RALGAPA2: variants seen among roughly 807,000 people sequenced by gnomAD.
RALGAPA2 encodes ral GTPase-activating protein subunit alpha-2.
In RALGAPA2, 139 loss-of-function variants were observed where a neutral mutation model predicts 230.4. That is an observed-to-expected ratio of 0.60 (90% CI 0.53 to 0.69). The LOEUF (loss-of-function observed/expected upper bound fraction) is 0.69. Among genes scored for constraint, RALGAPA2 ranks in the 30% least tolerant of loss-of-function variants. The pLI is 0.00. For synonymous variants in RALGAPA2, 847 were observed against 837.8 expected (o/e 1.01, Z -0.19); for missense variants, 2,163 against 2,276.0 (o/e 0.95, Z 1.01).
At chr20:20,654,724 T>C (rs2067527080) in intron 3 of RALGAPA2, among the ~76,000 whole-genome samples, 1 of 152,234 alleles carries the variant, frequency 6.6e-6, no homozygotes, top group Non-Finnish European at 1.5e-5. Flanking sequence ...ATATCTCTTC[T>C]GCATACTGAT....
At chr20:20,659,886 C>T (rs1036693387) in intron 3 of RALGAPA2, 11 of 470,908 alleles carry the variant, frequency 2.3e-5, no homozygotes, top group Non-Finnish European at 3.2e-5. Flanking sequence ...AGTACAACTA[C>T]ACTTTCTGGT....
intron 23 of RALGAPA2, 111 bp from the exon 24 acceptor site, chr20:20,546,943 A>G (rs2063789605): frequency 8.8e-7 from 1 of 1,135,856 alleles, no homozygotes; most frequent in Non-Finnish European, 1.2e-6. Context: ...GAGAGCACAG[A>G]TTACAGAAAA....
At chr20:20,699,691 C>T (rs947789760) in intron 1 of RALGAPA2, among the ~76,000 whole-genome samples, 1 of 152,058 alleles carries the variant, frequency 6.6e-6, no homozygotes, top group Non-Finnish European at 1.5e-5. Context: ...AAGCGGCCAA[C>T]AAACATATAA....
intron 24 of RALGAPA2, among the ~76,000 whole-genome samples, chr20:20,543,602 C>T (rs2063706068): frequency 2.6e-5 from 4 of 152,080 alleles, no homozygotes; most frequent in Admixed American, 2.6e-4. Context: ...AAGCTGGAAA[C>T]CATCATTCTC....
chr20:20,445,628 G>T (rs1027590690), intron 37 of RALGAPA2, among the ~76,000 whole-genome samples: 1 of 152,204 alleles, frequency 6.6e-6, no homozygotes, highest in African/African-American at 2.4e-5. Flanking sequence ...CTGGGGATGG[G>T]TAAAGGGATC....
At chr20:20,633,687 C>G (rs907544695) in intron 9 of RALGAPA2, among the ~76,000 whole-genome samples, 2 of 151,910 alleles carry the variant, frequency 1.3e-5, no homozygotes, top group African/African-American at 4.8e-5. Context: ...ACCATGTTAG[C>G]AAGGATGGTC....
intron 27 of RALGAPA2, among the ~76,000 whole-genome samples, chr20:20,528,162 C>A (rs1211200906): frequency 2.0e-5 from 3 of 152,124 alleles, no homozygotes; most frequent in Non-Finnish European, 4.4e-5. Context: ...GGGCTGCAGG[C>A]AGGGTGGTGT....
intron 36 of RALGAPA2, among the ~76,000 whole-genome samples, chr20:20,493,235 G>A (rs1274286639): frequency 6.6e-6 from 1 of 152,158 alleles, no homozygotes; most frequent in African/African-American, 2.4e-5. Context: ...CAAAAGGTCA[G>A]CCACACTTGC....
At chr20:20,606,368 C>A (rs758685975) in intron 14 of RALGAPA2, among the ~76,000 whole-genome samples, 1 of 152,190 alleles carries the variant, frequency 6.6e-6, no homozygotes, top group African/African-American at 2.4e-5. Context: ...GACCTCTCTA[C>A]TGGTTTCCTG....
At chr20:20,621,575 G>T (rs546923983) in intron 10 of RALGAPA2, among the ~76,000 whole-genome samples, 1 of 150,116 alleles carries the variant, frequency 6.7e-6, no homozygotes, top group East Asian at 1.9e-4. Context: ...AATATATCAG[G>T]TTACTAATGA....
At chr20:20,635,948 T>C (rs568486553) in intron 8 of RALGAPA2, among the ~76,000 whole-genome samples, 93 of 152,354 alleles carry the variant, frequency 6.1e-4, no homozygotes, top group South Asian at 1.2e-3. Flanking sequence ...ACATTATACC[T>C]AATTTAATTT....
At chr20:20,580,297 A>C (rs1407608294) in intron 20 of RALGAPA2, among the ~76,000 whole-genome samples, 1 of 152,162 alleles carries the variant, frequency 6.6e-6, no homozygotes, top group Non-Finnish European at 1.5e-5. Flanking sequence ...TGCCACTTCC[A>C]GGGTTAGCTA....
At chr20:20,534,251 T>G (rs1295533282) in intron 26 of RALGAPA2, among the ~76,000 whole-genome samples, 1 of 152,084 alleles carries the variant, frequency 6.6e-6, no homozygotes, top group African/African-American at 2.4e-5. Context: ...GAGACCATCC[T>G]GGCTAACACG....
chr20:20,573,211 GA>G, intron 20 of RALGAPA2, 143 bp from the exon 21 acceptor site: 1 of 727,608 alleles, frequency 1.4e-6, no homozygotes, highest in Non-Finnish European at 2.1e-6. Context: ...TAAAAGGAGA[GA>G]AAAGCAGGAT....
intron 14 of RALGAPA2, among the ~76,000 whole-genome samples, chr20:20,607,701 T>C (rs2065862667): frequency 6.6e-6 from 1 of 152,200 alleles, no homozygotes; most frequent in East Asian, 1.9e-4. Flanking sequence ...GCCAGCTTCA[T>C]GGATAAAAGC....
chr20:20,645,106 CTTT>C (rs71198064), intron 4 of RALGAPA2, among the ~76,000 whole-genome samples: 86 of 59,440 alleles, frequency 1.4e-3, no homozygotes, highest in African/African-American at 4.8e-3. Flanking sequence ...GGTGGTGGTG[CTTT>C]TTTTTTTTTT....
chr20:20,637,227 A>T lies in RALGAPA2; in HGVS notation c.805+136T>A, dbSNP rs187220261. 5.9e-5 allele frequency: 41 copies of T among 700,490 alleles called. No individual in the cohort carries two copies. In the East Asian group the frequency reaches 1.2e-3, roughly 21 times the overall value. The allele number at this position is 700,490 out of a possible 1,614,324, so 43.4% of individuals were successfully genotyped here. A position where few individuals can be genotyped will look rare whatever the true frequency, so the allele number is the denominator to read the frequency against. On this transcript the variant is annotated intron_variant, in intron 8 of 39. Transcript: ENST00000202677. ...AAAATCACTTATTAAGAAACTTTAAACATTTAATAATAAAGTTACCATTCA... is the reference window on the plus strand; with the variant it reads ...AAAATCACTTATTAAGAAACTTTAATCATTTAATAATAAAGTTACCATTCA...
intron 2 of RALGAPA2, 136 bp downstream of exon 2, chr20:20,680,555 T>A (rs2068483076): frequency 1.4e-5 from 18 of 1,257,790 alleles, no homozygotes; most frequent in Non-Finnish European, 1.8e-5. Context: ...TGCCACCCTG[T>A]CCACCATGCT....
At chr20:20,693,784 T>C (rs1420467262) in intron 1 of RALGAPA2, among the ~76,000 whole-genome samples, 2 of 152,092 alleles carry the variant, frequency 1.3e-5, no homozygotes, top group Non-Finnish European at 2.9e-5. Context: ...CAGGCTCCCA[T>C]ACTGTTCACC....
Sources: gnomAD v4.1 joint callset for allele counts (sites outside exome capture counted in the v4.1 genomes callset) on GRCh38, gnomAD v4.1.1 for gene constraint, MANE v1.5 for transcripts, NCBI Gene and HGNC (gene_info 2026-07-23, HGNC 2026-07-21) for gene names.